The following REL variants were observed in gnomAD, a reference collection of about 807,000 sequenced individuals.
REL encodes the protein proto-oncogene c-Rel.
Under a neutral mutation model 45.9 loss-of-function variants are expected in REL, and 15 were observed. The observed-to-expected ratio is 0.33, with a 90% confidence interval of 0.22 to 0.50. The LOEUF is 0.50. Among genes scored for constraint, REL ranks in the 20% least tolerant of loss-of-function variants. REL has a pLI of 0.98. For synonymous variants in REL, 239 were observed against 242.1 expected (o/e 0.99, Z 0.12); for missense variants, 601 against 715.2 (o/e 0.84, Z 1.82).
At chr2:60,893,916 T>A (rs1263746833) in intron 2 of REL, among the ~76,000 whole-genome samples, 5 of 152,210 alleles carry the variant, frequency 3.3e-5, no homozygotes, top group Admixed American at 6.5e-5. Flanking sequence ...TATTCTAGAG[T>A]AAACACTTGG....
In REL at chr2:60,922,210, C is replaced by G; in HGVS notation, c.1439C>G (p.Pro480Arg). 2 of 1,614,106 alleles carry G rather than the reference C, an allele frequency of 1.2e-6. No homozygotes were observed. The highest frequency in any genetic ancestry group is 2.2e-5 in the East Asian group (1 of 44,884). The change falls in exon 10 of 10, where the codon CCA (proline) becomes CGA (arginine). Residue 480 changes from proline to arginine, a missense_variant. Coordinates refer to ENST00000394479, the MANE Select transcript of REL (RefSeq NM_001291746.2). Reference sequence around the variant, plus strand: ...GACAGCATGGGAGAGACTGATAATCCAAGACTTCTGAGCATGAATCTTGAA... The same window carrying G: ...GACAGCATGGGAGAGACTGATAATCGAAGACTTCTGAGCATGAATCTTGAA... ...SSDSMGETDN[P>R]RLLSMNLENP...
intron 2 of REL, among the ~76,000 whole-genome samples, chr2:60,892,833 C>CA (rs1265776163): frequency 3.3e-5 from 5 of 152,118 alleles, no homozygotes; most frequent in Non-Finnish European, 7.3e-5. Flanking sequence ...CAGCTCACTG[C>CA]AAGCTCCACC....
chr2:60,891,125 T>C lies in REL; in HGVS notation c.11-558T>C, dbSNP rs1480689227. On this transcript the variant is annotated intron_variant, in intron 1 of 9. Transcript: ENST00000394479. ...TCCTGGGGCTTGTTTTGATATACTG[T>C]GTGTAAGTCCTTTAATATTTGAATG... 2.0e-5 allele frequency among the ~76,000 whole-genome samples: 3 copies of C among 152,356 alleles called. No homozygotes were observed. In the South Asian group the frequency reaches 6.2e-4, roughly 32 times the overall value.
At chr2:60,884,766 A>G (rs953743083) in intron 1 of REL, among the ~76,000 whole-genome samples, 2 of 152,120 alleles carry the variant, frequency 1.3e-5, no homozygotes, top group Non-Finnish European at 2.9e-5. Context: ...TCTGTGTCAC[A>G]CAATAGGAAG....
intron 4 of REL, among the ~76,000 whole-genome samples, chr2:60,911,634 T>C (rs1332662866): frequency 2.0e-5 from 3 of 152,160 alleles, no homozygotes; most frequent in Non-Finnish European, 1.5e-5. Context: ...TAAAATTTTA[T>C]TATGAGATCT....
chr2:60,885,500 T>A (rs537302733), intron 1 of REL, among the ~76,000 whole-genome samples: 22 of 152,224 alleles, frequency 1.4e-4, no homozygotes, highest in Non-Finnish European at 2.6e-4. Flanking sequence ...GTTTTTACCT[T>A]GTAGTGCATA....
chr2:60,891,420 A>C (rs889453670), intron 1 of REL, among the ~76,000 whole-genome samples: 2 of 152,160 alleles, frequency 1.3e-5, no homozygotes, highest in Admixed American at 6.5e-5. Context: ...GACGTTAGCT[A>C]TAGATATTAA....
rs1674096317 is a variant in REL, at chr2:60,920,087, C to T, written c.900C>T (p.Phe300=). Residue 300 remains phenylalanine, a synonymous_variant, in exon 8 of 10, where the codon TTC becomes TTT. Coordinates refer to ENST00000394479, the MANE Select transcript of REL (RefSeq NM_001291746.2). ...AGAAACAAAAGACAACTCTGCTTTT[C>T]CAGAAACTGTGCCAGGATCACGGTA... The part of the protein sequence containing the change: ...KAKKQKTTLL[F]QKLCQDHVNF... 1 of 1,611,504 alleles carries T rather than the reference C, an allele frequency of 6.2e-7. No individual in the cohort carries two copies. Among genetic ancestry groups the T allele is most frequent in the African/African-American group, 1.3e-5 (1 of 74,936 alleles).
At chr2:60,913,277 A>G (rs1486688194) in intron 4 of REL, among the ~76,000 whole-genome samples, 1 of 152,146 alleles carries the variant, frequency 6.6e-6, no homozygotes, top group Non-Finnish European at 1.5e-5. Flanking sequence ...TCTTTTAAAA[A>G]AAAATTTTTT....
intron 8 of REL, 183 bp downstream of exon 8, chr2:60,920,292 C>T: frequency 1.6e-6 from 1 of 623,424 alleles, no homozygotes. Flanking sequence ...ACCTCTGCCC[C>T]CCAGGTTCAA....
At chr2:60,903,538 TA>T (rs1205925713) in intron 4 of REL, among the ~76,000 whole-genome samples, 1 of 151,770 alleles carries the variant, frequency 6.6e-6, no homozygotes, top group African/African-American at 2.4e-5. Context: ...CATGCCCAGC[TA>T]ATTTTTTTTT....
At chr2:60,916,737 A>G (rs893368587) in intron 4 of REL, 140 bp from the exon 5 acceptor site, 1 of 530,318 alleles carries the variant, frequency 1.9e-6, no homozygotes, top group Non-Finnish European at 3.3e-6. Context: ...CATTCTTGAG[A>G]TTGTATACTG....
chr2:60,917,634 T>C (rs576799251), intron 5 of REL, among the ~76,000 whole-genome samples: 42 of 150,266 alleles, frequency 2.8e-4, no homozygotes, highest in African/African-American at 1.0e-3. Context: ...TCAAAGGATA[T>C]GGATATATCT....
Position 60,891,680 on chromosome 2 carries a change from C to T in REL, c.11-3C>T. 1 of 1,595,902 alleles carries T rather than the reference C, an allele frequency of 6.3e-7. No individual in the cohort carries two copies. Among genetic ancestry groups the T allele is most frequent in the Non-Finnish European group, 8.5e-7 (1 of 1,170,660 alleles). ...GACCTCCTCCTTTTTAAAAACTTTTCAGGTGCGTATAACCCGTATATAGAG... is the reference window on the plus strand; with the variant it reads ...GACCTCCTCCTTTTTAAAAACTTTTTAGGTGCGTATAACCCGTATATAGAG... On this transcript the variant is annotated splice_polypyrimidine_tract_variant and splice_region_variant and intron_variant, in intron 1 of 9. Transcript: ENST00000394479.
At position 60,922,629 on chromosome 2, in the gene REL, A is replaced by G; in HGVS notation, c.*94A>G. The stretch of plus-strand genomic sequence containing the variant: ...ACTGGGGATATAATACTATATTTAT[A>G]CTGTATATATAATACTGACTGAGAA... On this transcript the variant is annotated 3_prime_UTR_variant, in exon 10 of 10. Transcript: ENST00000394479. The G allele has an allele frequency of 6.4e-6, 9 of 1,410,410 alleles. No homozygotes were observed. Among genetic ancestry groups the G allele is most frequent in the Non-Finnish European group, 8.4e-6 (9 of 1,077,616 alleles). 87.4% of individuals were successfully genotyped at this position (1,410,410 alleles called of 1,614,324 possible).
In REL at chr2:60,918,345, C is replaced by T. The variant is rs35881115; in HGVS notation, c.641-49C>T. 2.1e-3 allele frequency: 3,225 copies of T among 1,546,520 alleles called. 82 individuals are homozygous for T. The African/African-American group carries it at 0.039, about 18-fold the overall frequency. On this transcript the variant is annotated intron_variant, in intron 6 of 9. Coordinates refer to ENST00000394479, the MANE Select transcript of REL (RefSeq NM_001291746.2). ...AGAATAAATTTTAGATTAATAGATG[C>T]AGTTACTTTGTTTTCCCATTTTTTT...
chr2:60,921,828 G>C lies in REL; in HGVS notation c.1057G>C (p.Glu353Gln). 1 of 1,614,124 alleles carries C rather than the reference G, an allele frequency of 6.2e-7. No homozygotes were observed. The highest frequency in any genetic ancestry group is 8.5e-7 in the Non-Finnish European group (1 of 1,179,994). ...GCCTACAGGGGTTTCAAGTCAAGCA[G>C]AATCCTACTATCCCTCACCTGGGCC... ...EMPTGVSSQA[E>Q]SYYPSPGPIS... The change falls in exon 10 of 10, where the codon GAA (glutamate) becomes CAA (glutamine). Residue 353 changes from glutamate to glutamine, a missense_variant. By Grantham distance (29) the Glu-to-Gln change is conservative. Transcript: ENST00000394479.
chr2:60,909,359 A>C (rs1322622769), intron 4 of REL, among the ~76,000 whole-genome samples: 3 of 152,218 alleles, frequency 2.0e-5, no homozygotes, highest in African/African-American at 7.2e-5. Flanking sequence ...TTATTATTAT[A>C]CATAGGGGAT....
chr2:60,891,598 T>C, intron 1 of REL, 85 bp from the exon 2 acceptor site: 1 of 1,181,160 alleles, frequency 8.5e-7, no homozygotes, highest in Non-Finnish European at 1.2e-6. Context: ...TTTAGTCTGC[T>C]GTTATAAAAA....
Sources: allele counts gnomAD v4.1 joint callset (sites outside exome capture counted in the v4.1 genomes callset), GRCh38; gene constraint gnomAD v4.1.1; transcripts MANE v1.5; gene names NCBI Gene and HGNC (gene_info 2026-07-23, HGNC 2026-07-21).